The following NREP variants were observed in gnomAD, a reference collection of about 807,000 sequenced individuals.
NREP encodes neuronal regeneration-related protein.
A neutral mutation model predicts 8.6 loss-of-function variants in NREP; 5 were observed. The observed-to-expected ratio is 0.58, with a 90% CI of 0.30 to 1.22. The LOEUF is 1.22. Ranked by LOEUF, NREP falls within the 50% of genes most tolerant of loss-of-function variation. NREP has a pLI of 0.07. For synonymous variants in NREP, 27 were observed against 28.0 expected, an observed-to-expected ratio of 0.96 and a Z score of 0.11; for missense variants, 86 against 82.5, an observed-to-expected ratio of 1.04 and a Z score of -0.17.
intron 2 of NREP, among the ~76,000 whole-genome samples, chr5:111,879,653 C>A (rs2112511002): frequency 6.6e-6 from 1 of 152,212 alleles, no homozygotes; most frequent in Admixed American, 6.5e-5. Context: ...GCTCAGGTTG[C>A]CGTAACGATA....
At position 111,780,142 on chromosome 5, in the gene NREP, A is replaced by G. The variant is rs889123898; in HGVS notation, c.136-44635T>C. 4.6e-5 allele frequency among the ~76,000 whole-genome samples: 7 copies of G among 152,282 alleles called. 1 individual carries two copies. The South Asian group carries it at 1.4e-3, about 32-fold the overall frequency. On this transcript the variant is annotated intron_variant, in intron 2 of 3. Coordinates refer to the NREP transcript ENST00000395634. Reference sequence around the variant, plus strand: ...GTGGGAATGGGGCATAATTTATTTAATTGGAGGAATAAATCTCTTCACTGT... The same window carrying G: ...GTGGGAATGGGGCATAATTTATTTAGTTGGAGGAATAAATCTCTTCACTGT...
intron 2 of NREP, among the ~76,000 whole-genome samples, chr5:111,883,055 C>T (rs1473497286): frequency 6.6e-6 from 1 of 152,204 alleles, no homozygotes; most frequent in Non-Finnish European, 1.5e-5. Flanking sequence ...AGTCAAGACC[C>T]ATCAGTGTGC....
chr5:111,762,959 T>G (rs1750998820), intron 2 of NREP, among the ~76,000 whole-genome samples: 1 of 152,218 alleles, frequency 6.6e-6, no homozygotes, highest in Non-Finnish European at 1.5e-5. Context: ...CCCAGAAGGT[T>G]GCTTACATAT....
chr5:111,871,484 G>A (rs528172880), intron 2 of NREP, among the ~76,000 whole-genome samples: 2 of 151,936 alleles, frequency 1.3e-5, no homozygotes, highest in South Asian at 4.2e-4. Flanking sequence ...AGTAGACTTA[G>A]GCTACACTAA....
intron 2 of NREP, among the ~76,000 whole-genome samples, chr5:111,927,600 T>C (rs190842002): frequency 6.5e-4 from 99 of 152,304 alleles, no homozygotes; most frequent in Non-Finnish European, 1.1e-3. Context: ...ACATTGTGAT[T>C]GTATCCTATG....
upstream of NREP, chr5:111,757,700 A>C: frequency 1.0e-6 from 1 of 984,256 alleles, no homozygotes; most frequent in Non-Finnish European, 1.2e-6. Context: ...GGGGAGACAA[A>C]GCGGACCCGC....
At position 111,774,477 on chromosome 5, in the gene NREP, C is replaced by T. The variant is rs115005657; in HGVS notation, c.136-38970G>A. Among the ~76,000 whole-genome samples, 753 of 152,242 alleles carry T rather than the reference C, an allele frequency of 4.9e-3. 1 individual carries two copies. The highest frequency in any genetic ancestry group is 0.017 in the African/African-American group (707 of 41,550). On this transcript the variant is annotated intron_variant, in intron 2 of 3. Coordinates refer to the NREP transcript ENST00000395634. ...GATTATCCAGTTGTGCCCACCTAAT[C>T]ACACTTGGGCCTTTAAAAACATAGA...
intron 1 of NREP, chr5:111,756,310 AAAC>A (rs1372981169): frequency 1.5e-4 from 81 of 529,950 alleles, no homozygotes; most frequent in South Asian, 3.1e-4. Context: ...AAAAAAAAAA[AAAC>A]CCTACACGGC....
At chr5:111,861,857 A>G (rs1753551012) in intron 2 of NREP, among the ~76,000 whole-genome samples, 2 of 152,206 alleles carry the variant, frequency 1.3e-5, no homozygotes, top group African/African-American at 2.4e-5. Flanking sequence ...ACAGATAGTT[A>G]TTATAGTTCT....
chr5:111,789,860 G>A (rs941624475), intron 2 of NREP, among the ~76,000 whole-genome samples: 2 of 152,096 alleles, frequency 1.3e-5, no homozygotes, highest in African/African-American at 4.8e-5. Flanking sequence ...AGGGCTATAG[G>A]CAATGGAAGA....
intron 2 of NREP, among the ~76,000 whole-genome samples, chr5:111,788,936 T>C (rs1463116263): frequency 6.6e-6 from 1 of 152,238 alleles, no homozygotes; most frequent in Non-Finnish European, 1.5e-5. Flanking sequence ...CAAATTCTTC[T>C]GCCTAATAGT....
chr5:111,936,130 C>G (rs755521278), intron 2 of NREP, among the ~76,000 whole-genome samples: 5 of 152,042 alleles, frequency 3.3e-5, no homozygotes, highest in Non-Finnish European at 7.4e-5. Context: ...ATAAAGACAT[C>G]AATCCTATCC....
chr5:111,976,913 T>C, exon 1 of NREP: 1 of 563,624 alleles, frequency 1.8e-6, no homozygotes. Flanking sequence ...TCCTTCTAGA[T>C]GCTGGCAACA....
At chr5:111,771,426 TACACACACACACACACAC>T (rs111799670) in intron 2 of NREP, among the ~76,000 whole-genome samples, 4 of 147,304 alleles carry the variant, frequency 2.7e-5, no homozygotes, top group Admixed American at 6.8e-5. Flanking sequence ...CATAGTCTTT[TACACACACACACACACAC>T]ACACACACAC....
At chr5:111,975,802 A>T (rs1756946106) in intron 1 of NREP, among the ~76,000 whole-genome samples, 1 of 152,228 alleles carries the variant, frequency 6.6e-6, no homozygotes, top group African/African-American at 2.4e-5. Flanking sequence ...GAATTGATTC[A>T]TTCCTGTTAT....
intron 2 of NREP, among the ~76,000 whole-genome samples, chr5:111,925,018 T>C (rs1484569707): frequency 6.6e-6 from 1 of 151,826 alleles, no homozygotes; most frequent in Non-Finnish European, 1.5e-5. Context: ...TTGAGAAAAA[T>C]ATAGGGTTAG....
intron 2 of NREP, among the ~76,000 whole-genome samples, chr5:111,907,045 T>C (rs937718865): frequency 3.9e-5 from 6 of 152,048 alleles, no homozygotes; most frequent in Non-Finnish European, 5.9e-5. Context: ...GCTAAGATTA[T>C]AGGCATGAGC....
At chr5:111,886,623 CA>C (rs1178935030) in intron 2 of NREP, among the ~76,000 whole-genome samples, 1 of 150,670 alleles carries the variant, frequency 6.6e-6, no homozygotes, top group African/African-American at 2.4e-5. Context: ...ACATATACAC[CA>C]TGGAATACTA....
At chr5:111,911,813 C>G (rs548904184) in intron 2 of NREP, among the ~76,000 whole-genome samples, 1 of 151,984 alleles carries the variant, frequency 6.6e-6, no homozygotes, top group African/African-American at 2.4e-5. Flanking sequence ...GAATCCAAAC[C>G]GAAAATAATT....
Sources: allele counts gnomAD v4.1 joint callset (sites outside exome capture counted in the v4.1 genomes callset), GRCh38; gene constraint gnomAD v4.1.1; transcripts MANE v1.5; gene names NCBI Gene and HGNC (gene_info 2026-07-23, HGNC 2026-07-21).